The following IL1RAPL1 variants were observed in gnomAD, a reference collection of about 807,000 sequenced individuals.
IL1RAPL1 encodes the protein interleukin-1 receptor accessory protein-like 1.
In IL1RAPL1, 3 loss-of-function variants were observed where a neutral mutation model predicts 48.4. That is an observed-to-expected ratio of 0.06 (90% confidence interval 0.03 to 0.16). IL1RAPL1 has a LOEUF of 0.16. Ranked by LOEUF, IL1RAPL1 falls within the 10% of genes least tolerant of loss-of-function variation. The pLI, the probability that IL1RAPL1 is intolerant of heterozygous loss-of-function variation, is 1.00. For synonymous variants in IL1RAPL1, 185 were observed against 187.7 expected (o/e 0.99, Z 0.12); for missense variants, 349 against 530.6 (o/e 0.66, Z 3.36).
At chrX:28,934,948 G>A (rs1923977301) in intron 2 of IL1RAPL1, among the ~76,000 whole-genome samples, 1 of 111,303 alleles carries the variant, frequency 9.0e-6, no homozygotes, top group Admixed American at 9.6e-5. Context: ...ACTTTCCAAA[G>A]AGGATGCACC....
At chrX:29,114,212 A>G (rs1249985689) in intron 2 of IL1RAPL1, among the ~76,000 whole-genome samples, 5 of 112,099 alleles carry the variant, frequency 4.5e-5, no homozygotes, top group African/African-American at 9.7e-5. Context: ...TTTCAAAAGT[A>G]TAGTAGAACT....
chrX:29,316,625 G>A (rs1196121074), intron 3 of IL1RAPL1, among the ~76,000 whole-genome samples: 2 of 111,888 alleles, frequency 1.8e-5, no homozygotes, highest in African/African-American at 6.5e-5. Flanking sequence ...GGCCTAAAAG[G>A]GTGAGATATC....
intron 3 of IL1RAPL1, among the ~76,000 whole-genome samples, chrX:29,361,542 A>AACACACACACACAC (rs35694893): frequency 9.5e-4 from 96 of 101,010 alleles, no homozygotes; most frequent in African/African-American, 3.4e-3. Flanking sequence ...AACTACCTTA[A>AACACACACACACAC]ACACACACAC....
chrX:29,113,353 G>A (rs771425230), intron 2 of IL1RAPL1, among the ~76,000 whole-genome samples: 13 of 111,597 alleles, frequency 1.2e-4, no homozygotes, highest in African/African-American at 4.2e-4. Flanking sequence ...TCTTTGTCTG[G>A]TAGGGCTAGT....
chrX:29,192,420 G>A (rs1251076074), intron 2 of IL1RAPL1, among the ~76,000 whole-genome samples: 1 of 111,879 alleles, frequency 8.9e-6, no homozygotes, highest in Non-Finnish European at 1.9e-5. Flanking sequence ...ACATTTAATA[G>A]ATGGAGTGAT....
At chrX:28,806,798 T>C (rs945733023) in intron 2 of IL1RAPL1, among the ~76,000 whole-genome samples, 10 of 111,367 alleles carry the variant, frequency 9.0e-5, no homozygotes, top group African/African-American at 3.3e-4. Flanking sequence ...TGATACATGA[T>C]TTTATTTTAA....
intron 2 of IL1RAPL1, among the ~76,000 whole-genome samples, chrX:29,055,130 A>T (rs1014450320): frequency 8.9e-6 from 1 of 111,773 alleles, no homozygotes; most frequent in Non-Finnish European, 1.9e-5. Context: ...AATTATTTTA[A>T]CTCATACCAC....
chrX:29,756,968 C>A (rs1471902256), intron 6 of IL1RAPL1, among the ~76,000 whole-genome samples: 1 of 110,958 alleles, frequency 9.0e-6, no homozygotes, highest in African/African-American at 3.3e-5. Flanking sequence ...CAGCTGCAAG[C>A]CAAGGAATGC....
intron 5 of IL1RAPL1, among the ~76,000 whole-genome samples, chrX:29,604,721 T>C (rs956441665): frequency 1.8e-5 from 2 of 112,009 alleles, no homozygotes; most frequent in Non-Finnish European, 3.8e-5. Flanking sequence ...TCCAGTGACA[T>C]AAACTCTTCA....
At chrX:29,715,907 G>C (rs1050048853) in intron 6 of IL1RAPL1, among the ~76,000 whole-genome samples, 1 of 111,861 alleles carries the variant, frequency 8.9e-6, no homozygotes, top group African/African-American at 3.2e-5. Context: ...CCCACCATTT[G>C]GTTCAAGGGT....
At chrX:29,200,688 C>T (rs1209238993) in intron 2 of IL1RAPL1, among the ~76,000 whole-genome samples, 4 of 111,550 alleles carry the variant, frequency 3.6e-5, no homozygotes, top group Admixed American at 9.6e-5. Flanking sequence ...GTAATGATTG[C>T]TTTCTCTACT....
At chrX:28,838,655 T>C (rs888528482) in intron 2 of IL1RAPL1, among the ~76,000 whole-genome samples, 2 of 110,725 alleles carry the variant, frequency 1.8e-5, no homozygotes, top group Middle Eastern at 4.2e-3. Context: ...TCTTCCTTTT[T>C]TTTGTTATCA....
rs1188799200 is a variant in IL1RAPL1, at chrX:28,932,708, T to C, written c.82+143283T>C. 1.2e-4 allele frequency among the ~76,000 whole-genome samples: 13 copies of C among 109,750 alleles called. No individual in the cohort carries two copies. The Admixed American group carries it at 1.3e-3, about 11-fold the overall frequency. ...GAGTATATAGCTGTCTTTACACTTT[T>C]TTTTTTTTACATTTTAGCTTATTTG... is the stretch of plus-strand genomic sequence containing the variant. On this transcript the variant is annotated intron_variant, in intron 2 of 10. Coordinates refer to ENST00000378993, the MANE Select transcript of IL1RAPL1 (RefSeq NM_014271.4).
chrX:28,911,529 C>A (rs936400632), intron 2 of IL1RAPL1, among the ~76,000 whole-genome samples: 2 of 111,154 alleles, frequency 1.8e-5, no homozygotes, highest in African/African-American at 6.5e-5. Context: ...TCAAATATCA[C>A]TTCCTCAGGA....
intron 5 of IL1RAPL1, among the ~76,000 whole-genome samples, chrX:29,647,159 G>A (rs1208629090): frequency 9.0e-6 from 1 of 111,574 alleles, no homozygotes; most frequent in Non-Finnish European, 1.9e-5. Context: ...AGACCAGCCA[G>A]GCCAACATGG....
chrX:29,608,164 G>A (rs1209047010), intron 5 of IL1RAPL1, among the ~76,000 whole-genome samples: 1 of 111,410 alleles, frequency 9.0e-6, no homozygotes, highest in Non-Finnish European at 1.9e-5. Context: ...CTTCCATCAG[G>A]GCCTCTTCAT....
At chrX:29,843,196 T>G (rs955391687) in intron 6 of IL1RAPL1, among the ~76,000 whole-genome samples, 4 of 111,743 alleles carry the variant, frequency 3.6e-5, no homozygotes, top group African/African-American at 1.3e-4. Context: ...AATGTTAGCC[T>G]TATTAATGCA....
At chrX:28,960,331 T>A (rs1276204250) in intron 2 of IL1RAPL1, among the ~76,000 whole-genome samples, 1 of 111,668 alleles carries the variant, frequency 9.0e-6, no homozygotes, top group African/African-American at 3.3e-5. Flanking sequence ...TTCAACATTT[T>A]AAAGTATTTC....
intron 2 of IL1RAPL1, among the ~76,000 whole-genome samples, chrX:29,260,638 C>T (rs952496225): frequency 5.4e-5 from 6 of 111,576 alleles, no homozygotes; most frequent in Admixed American, 1.9e-4. Context: ...ACACCAATCA[C>T]GTCGGTAAGG....
Sources: allele counts gnomAD v4.1 joint callset (sites outside exome capture counted in the v4.1 genomes callset), GRCh38; gene constraint gnomAD v4.1.1; transcripts MANE v1.5; gene names NCBI Gene and HGNC (gene_info 2026-07-23, HGNC 2026-07-21).